PIK3C2G: variants seen among roughly 807,000 people sequenced by gnomAD.
PIK3C2G encodes phosphatidylinositol 3-kinase C2 domain-containing subunit gamma.
PIK3C2G carries 168 observed loss-of-function variants against 181.1 expected under a neutral mutation model. The observed-to-expected ratio is 0.93, with a 90% CI of 0.82 to 1.05. The LOEUF is 1.05. PIK3C2G is among the 50% of genes least tolerant of loss of function. PIK3C2G has a pLI of 0.00. For missense variants in PIK3C2G, 1,869 were observed against 1,732.8 expected, an observed-to-expected ratio of 1.08 and a Z score of -1.40; for synonymous variants, 573 against 592.2, an observed-to-expected ratio of 0.97 and a Z score of 0.47.
At chr12:18,310,861 A>T (rs1035928630) in intron 5 of PIK3C2G, among the ~76,000 whole-genome samples, 2 of 151,968 alleles carry the variant, frequency 1.3e-5, no homozygotes, top group African/African-American at 4.8e-5. Flanking sequence ...ATTAAAAGTC[A>T]AAGACTCAAA....
At chr12:18,276,217 G>A (rs954736500) in intron 1 of PIK3C2G, among the ~76,000 whole-genome samples, 1 of 152,100 alleles carries the variant, frequency 6.6e-6, no homozygotes, top group Non-Finnish European at 1.5e-5. Flanking sequence ...TATTTCAAAG[G>A]CTATCAGGAT....
intron 15 of PIK3C2G, among the ~76,000 whole-genome samples, chr12:18,392,144 A>G (rs183216352): frequency 2.8e-4 from 42 of 152,288 alleles, no homozygotes; most frequent in Admixed American, 2.7e-3. Context: ...GGATATTCAT[A>G]GAAGTGGCTA....
chr12:18,640,040 ATTT>A (rs1485250885), intron 31 of PIK3C2G, among the ~76,000 whole-genome samples: 2 of 151,792 alleles, frequency 1.3e-5, no homozygotes, highest in African/African-American at 4.8e-5. Context: ...TTGAACTTGA[ATTT>A]TTTAATTTTC....
chr12:18,676,700 T>C, the PIK3C2G span, among the ~76,000 whole-genome samples: 1 of 152,206 alleles, frequency 6.6e-6, no homozygotes, highest in Non-Finnish European at 1.5e-5. Flanking sequence ...GAATTATTAC[T>C]AACTTGCCTG....
chr12:18,443,500 T>C (rs867251365), intron 18 of PIK3C2G, among the ~76,000 whole-genome samples: 1 of 152,200 alleles, frequency 6.6e-6, no homozygotes, highest in African/African-American at 2.4e-5. Flanking sequence ...AAACCACTTC[T>C]TTTGTTATAT....
At chr12:18,472,459 T>G (rs1475888469) in intron 18 of PIK3C2G, among the ~76,000 whole-genome samples, 1 of 152,130 alleles carries the variant, frequency 6.6e-6, no homozygotes, top group African/African-American at 2.4e-5. Flanking sequence ...TGTCTCCCTC[T>G]CCCTACTCCC....
intron 4 of PIK3C2G, 57 bp from the exon 5 acceptor site, chr12:18,293,844 T>C (rs1370674220): frequency 1.2e-6 from 1 of 809,382 alleles, no homozygotes; most frequent in Non-Finnish European, 2.1e-6. Context: ...CAAAAACTTT[T>C]CCTAGTCAGT....
chr12:18,682,235 C>A, the PIK3C2G span, among the ~76,000 whole-genome samples: 2 of 151,982 alleles, frequency 1.3e-5, no homozygotes, highest in Non-Finnish European at 2.9e-5. Flanking sequence ...TGAGAGTAAA[C>A]CATGATAATA....
At chr12:18,268,983 A>G (rs1003555823) in intron 1 of PIK3C2G, among the ~76,000 whole-genome samples, 2 of 151,806 alleles carry the variant, frequency 1.3e-5, no homozygotes, top group African/African-American at 4.8e-5. Context: ...GGTGCATATC[A>G]GTGCTCCAAC....
At position 18,338,568 on chromosome 12, in the gene PIK3C2G, A is replaced by C; in HGVS notation, c.1395+20A>C. Reference sequence around the variant, plus strand: ...GGAGAGGTAAGTACATTCATTTATTACACAGTAGTTTTAAACCTGAGTTCA... The same window carrying C: ...GGAGAGGTAAGTACATTCATTTATTCCACAGTAGTTTTAAACCTGAGTTCA... On this transcript the variant is annotated intron_variant, in intron 9 of 32. Transcript: ENST00000538779. 6.5e-7 allele frequency: 1 copy of C among 1,534,096 alleles called. No homozygotes were observed. Among genetic ancestry groups the C allele is most frequent in the Non-Finnish European group, 8.9e-7 (1 of 1,119,892 alleles).
At chr12:18,537,486 G>T (rs938043559) in intron 24 of PIK3C2G, among the ~76,000 whole-genome samples, 7 of 151,988 alleles carry the variant, frequency 4.6e-5, no homozygotes, top group African/African-American at 1.7e-4. Flanking sequence ...GACAAAGGTG[G>T]GGGACGTGGG....
intron 13 of PIK3C2G, among the ~76,000 whole-genome samples, chr12:18,376,734 T>G (rs1942467801): frequency 6.6e-6 from 1 of 152,144 alleles, no homozygotes; most frequent in African/African-American, 2.4e-5. Flanking sequence ...GGGTCCTTCT[T>G]GGCTTGTGGC....
chr12:18,408,707 T>C (rs1944682773), intron 16 of PIK3C2G, among the ~76,000 whole-genome samples: 1 of 152,024 alleles, frequency 6.6e-6, no homozygotes, highest in Non-Finnish European at 1.5e-5. Flanking sequence ...CTTAAACAAA[T>C]TTAAAGAAAA....
chr12:18,629,724 AT>A (rs1164136088), intron 31 of PIK3C2G, among the ~76,000 whole-genome samples: 1 of 152,138 alleles, frequency 6.6e-6, no homozygotes, highest in Admixed American at 6.6e-5. Context: ...TAGCCACAAA[AT>A]CCAAATGATG....
chr12:18,597,996 A>G (rs1373986353), intron 30 of PIK3C2G, among the ~76,000 whole-genome samples: 1 of 151,836 alleles, frequency 6.6e-6, no homozygotes, highest in Non-Finnish European at 1.5e-5. Context: ...AGGAAATAAA[A>G]GAGGATACAA....
At chr12:18,350,429 C>A (rs1201416522) in intron 11 of PIK3C2G, among the ~76,000 whole-genome samples, 3 of 151,866 alleles carry the variant, frequency 2.0e-5, no homozygotes, top group Non-Finnish European at 2.9e-5. Context: ...TATATCTGTG[C>A]AAAAAATGAT....
chr12:18,631,015 T>G (rs1352781233), intron 31 of PIK3C2G, among the ~76,000 whole-genome samples: 7 of 152,082 alleles, frequency 4.6e-5, no homozygotes. Flanking sequence ...TGTAAGACAT[T>G]TAGACAAGTA....
At position 18,292,128 on chromosome 12, in the gene PIK3C2G, T is replaced by C. The variant is rs187507993; in HGVS notation, c.919+1116T>C. 4.5e-3 allele frequency among the ~76,000 whole-genome samples: 660 copies of C among 145,498 alleles called. 3 individuals carry two copies. The highest frequency in any genetic ancestry group is 0.016 in the African/African-American group (630 of 39,160). On this transcript the variant is annotated intron_variant, in intron 4 of 32. Coordinates refer to ENST00000538779, the MANE Select transcript of PIK3C2G (RefSeq NM_001288772.2). Reference sequence around the variant, plus strand: ...AGGAGGCTGAGGCAGGAGAATTGCTTGAACCAGGGAGGTGGAGGTTGCAGT... The same window carrying C: ...AGGAGGCTGAGGCAGGAGAATTGCTCGAACCAGGGAGGTGGAGGTTGCAGT...
rs561807574 is a variant in PIK3C2G, at chr12:18,254,709, G to A, written c.-79+6627G>A. 4.6e-5 allele frequency among the ~76,000 whole-genome samples: 7 copies of A among 151,782 alleles called. No homozygotes were observed. The East Asian group carries it at 1.4e-3, about 30-fold the overall frequency. On this transcript the variant is annotated intron_variant, in intron 1 of 11. Coordinates refer to the PIK3C2G transcript ENST00000535651. Reference sequence around the variant, plus strand: ...AGTGCAAAAATTAGCTGGGCATGGTGGCATGTGCCTGTAGTTCCAGCTACT... The same window carrying A: ...AGTGCAAAAATTAGCTGGGCATGGTAGCATGTGCCTGTAGTTCCAGCTACT...
Sources: gnomAD v4.1 joint callset for allele counts (sites outside exome capture counted in the v4.1 genomes callset) on GRCh38, gnomAD v4.1.1 for gene constraint, MANE v1.5 for transcripts, NCBI Gene and HGNC (gene_info 2026-07-23, HGNC 2026-07-21) for gene names.